Variants in L3MBTL4 observed in about 807,000 individuals in gnomAD.
L3MBTL4 encodes L3MBTL histone methyl-lysine binding protein 4.
In L3MBTL4, 70 loss-of-function variants were observed where a neutral mutation model predicts 84.5. The ratio of observed to expected loss-of-function variants is 0.83; its 90% CI spans 0.68 to 1.01. L3MBTL4 has a LOEUF of 1.01. Among genes scored for constraint, L3MBTL4 ranks in the 50% least tolerant of loss-of-function variants. L3MBTL4 has a pLI of 0.00. For synonymous variants in L3MBTL4, 274 were observed against 259.8 expected (o/e 1.05, Z -0.52); for missense variants, 715 against 754.8 (o/e 0.95, Z 0.62).
At chr18:6,097,273 C>T (rs973273031) in intron 14 of L3MBTL4, among the ~76,000 whole-genome samples, 4 of 152,126 alleles carry the variant, frequency 2.6e-5, no homozygotes, top group Admixed American at 6.5e-5. Flanking sequence ...ACAAGTAGTC[C>T]TCTTTCTTTA....
intron 16 of L3MBTL4, among the ~76,000 whole-genome samples, chr18:6,077,373 T>C (rs1017768451): frequency 1.3e-5 from 2 of 152,192 alleles, no homozygotes; most frequent in African/African-American, 4.8e-5. Flanking sequence ...TCATCCAATC[T>C]TATGTTTATA....
At chr18:6,211,938 T>C (rs572555779) in intron 12 of L3MBTL4, among the ~76,000 whole-genome samples, 1 of 152,346 alleles carries the variant, frequency 6.6e-6, no homozygotes, top group South Asian at 2.1e-4. Context: ...CGTGAACCAC[T>C]GTGCCCGGCC....
chr18:6,049,094 T>C (rs1010834493), intron 16 of L3MBTL4, among the ~76,000 whole-genome samples: 3 of 151,902 alleles, frequency 2.0e-5, no homozygotes, highest in Admixed American at 6.6e-5. Context: ...GAGACTTGCC[T>C]GGGCAACAGA....
At chr18:6,103,290 A>C (rs2058894050) in intron 14 of L3MBTL4, among the ~76,000 whole-genome samples, 1 of 152,224 alleles carries the variant, frequency 6.6e-6, no homozygotes, top group Admixed American at 6.5e-5. Context: ...TCTGTTATTA[A>C]AATGAACTTT....
At position 6,191,973 on chromosome 18, in the gene L3MBTL4, G is replaced by C. The variant is rs148244323; in HGVS notation, c.982-20031C>G. Among the ~76,000 whole-genome samples the C allele has an allele frequency of 8.4e-3, 1,264 of 150,472 alleles. 19 individuals are homozygous for C. Among genetic ancestry groups the C allele is most frequent in the African/African-American group, 0.03 (1,230 of 40,736 alleles). ...CTACTGCACTGCAGCCTGGGTGATA[G>C]AGCGAGTATCCCTGTCCCCTCCTCC... On this transcript the variant is annotated intron_variant, in intron 12 of 18. Transcript: ENST00000317931.
intron 16 of L3MBTL4, among the ~76,000 whole-genome samples, chr18:5,978,773 T>C (rs150900807): frequency 1.5e-4 from 23 of 152,236 alleles, no homozygotes; most frequent in African/African-American, 5.5e-4. Flanking sequence ...GTAGCACTGG[T>C]TGTGAGGAGC....
intron 3 of L3MBTL4, among the ~76,000 whole-genome samples, chr18:6,305,831 G>A (rs1031885250): frequency 6.6e-6 from 1 of 152,176 alleles, no homozygotes; most frequent in African/African-American, 2.4e-5. Context: ...GCACAGTGAC[G>A]TTTTCTAATT....
intron 4 of L3MBTL4, among the ~76,000 whole-genome samples, chr18:6,275,980 C>G (rs1482818844): frequency 6.6e-6 from 1 of 152,216 alleles, no homozygotes; most frequent in Non-Finnish European, 1.5e-5. Flanking sequence ...ACCTCCCTCA[C>G]AATTTGTCCA....
intron 1 of L3MBTL4, among the ~76,000 whole-genome samples, chr18:6,408,558 C>T (rs1466504545): frequency 6.6e-6 from 1 of 152,172 alleles, no homozygotes; most frequent in Non-Finnish European, 1.5e-5. Flanking sequence ...TCCTTTAGAA[C>T]ATATAAGATC....
chr18:5,979,500 G>A (rs1049790071), intron 16 of L3MBTL4, among the ~76,000 whole-genome samples: 7 of 152,270 alleles, frequency 4.6e-5, no homozygotes, highest in East Asian at 3.9e-4. Context: ...ACTTCATGAA[G>A]GATGGTGCTA....
At chr18:6,053,305 G>A (rs1165544842) in intron 16 of L3MBTL4, among the ~76,000 whole-genome samples, 2 of 152,188 alleles carry the variant, frequency 1.3e-5, no homozygotes, top group African/African-American at 4.8e-5. Flanking sequence ...TGCAGGACTG[G>A]AACTGGGTTA....
intron 16 of L3MBTL4, among the ~76,000 whole-genome samples, chr18:6,069,434 T>G (rs1035418146): frequency 2.7e-5 from 4 of 147,310 alleles, no homozygotes; most frequent in African/African-American, 5.0e-5. Flanking sequence ...GAAAGTGTTG[T>G]TTTTTTTTTT....
chr18:6,096,788 G>GC (rs2058658355), intron 14 of L3MBTL4, among the ~76,000 whole-genome samples: 1 of 152,204 alleles, frequency 6.6e-6, no homozygotes, highest in South Asian at 2.1e-4. Context: ...TTTGAGCTAA[G>GC]CTGAAGTTTC....
chr18:6,213,154 C>A lies in L3MBTL4; in HGVS notation c.976G>T (p.Val326Leu). 1 of 1,556,340 alleles carries A rather than the reference C, an allele frequency of 6.4e-7. No individual in the cohort carries two copies. The highest frequency in any genetic ancestry group is 8.8e-7 in the Non-Finnish European group (1 of 1,140,878). The change falls in exon 12 of 19, where the codon GTA becomes TTA. Residue 326 changes from valine (V) to leucine (L), a missense_variant. Transcript: ENST00000317931. ...ATIVDVDDQR[V>L]KVHFDGWDHK... ...TAATAATTTAAAATATGTACCTTTACTCTTTGGTCATCAACATCTACAATC... is the reference window on the plus strand; with the variant it reads ...TAATAATTTAAAATATGTACCTTTAATCTTTGGTCATCAACATCTACAATC...
At chr18:6,168,462 A>G (rs1422157788) in intron 13 of L3MBTL4, among the ~76,000 whole-genome samples, 2 of 152,184 alleles carry the variant, frequency 1.3e-5, no homozygotes, top group South Asian at 2.1e-4. Context: ...ACAGCATGGT[A>G]CTGGTACCAA....
At chr18:5,991,070 T>C (rs1489657261) in intron 16 of L3MBTL4, among the ~76,000 whole-genome samples, 1 of 152,120 alleles carries the variant, frequency 6.6e-6, no homozygotes, top group Admixed American at 6.5e-5. Context: ...GTAGCCTCTG[T>C]TGTTCTTTCC....
At chr18:6,317,093 G>T (rs7228351) in intron 1 of L3MBTL4, among the ~76,000 whole-genome samples, 2,868 of 152,230 alleles carry the variant, frequency 0.019, 96 homozygotes, top group African/African-American at 0.065. Flanking sequence ...CATAGGAGAT[G>T]CTGAACTTGT....
At position 6,197,273 on chromosome 18, in the gene L3MBTL4, C is replaced by T. The variant is rs191076618; in HGVS notation, c.981+15876G>A. Among the ~76,000 whole-genome samples the T allele has an allele frequency of 4.5e-3, 678 of 152,286 alleles. 6 individuals are homozygous for T. Among genetic ancestry groups the T allele is most frequent in the African/African-American group, 0.015 (638 of 41,554 alleles). On this transcript the variant is annotated intron_variant, in intron 12 of 18. Coordinates refer to ENST00000317931, the MANE Select transcript of L3MBTL4 (RefSeq NM_001330559.2). ...CAAAGCTTTCCCTCCCCACATCCAA[C>T]CCCTGACAGGCCCCAGTGTGTGTTG...
chr18:6,312,650 T>C (rs2050894435), intron 1 of L3MBTL4, among the ~76,000 whole-genome samples: 1 of 152,200 alleles, frequency 6.6e-6, no homozygotes, highest in Non-Finnish European at 1.5e-5. Flanking sequence ...TTTTTCTCAT[T>C]CAAACAATAC....
Sources: allele counts gnomAD v4.1 joint callset (sites outside exome capture counted in the v4.1 genomes callset), GRCh38; gene constraint gnomAD v4.1.1; transcripts MANE v1.5; gene names NCBI Gene and HGNC (gene_info 2026-07-23, HGNC 2026-07-21).